B3GALT1: variants seen among roughly 807,000 people sequenced by gnomAD.
B3GALT1 encodes UDP-Gal:betaGlcNAc beta 1,3-galactosyltransferase, polypeptide 1.
B3GALT1 carries 10 observed loss-of-function variants against 23.2 expected under a neutral mutation model. That is an observed-to-expected ratio of 0.43 (90% CI 0.27 to 0.73). B3GALT1 has a LOEUF of 0.73. B3GALT1 is among the 30% of genes least tolerant of loss of function. The pLI is 0.21. For synonymous variants in B3GALT1, 156 were observed against 141.5 expected, an observed-to-expected ratio of 1.10 and a Z score of -0.73; for missense variants, 299 against 405.4, an observed-to-expected ratio of 0.74 and a Z score of 2.25.
chr2:167,626,148 T>C (rs1300778857), intron 2 of B3GALT1, among the ~76,000 whole-genome samples: 4 of 151,214 alleles, frequency 2.6e-5, no homozygotes, highest in African/African-American at 9.7e-5. Flanking sequence ...GAATAAAAAC[T>C]ATTTAAGTAA....
intron 1 of B3GALT1, among the ~76,000 whole-genome samples, chr2:167,378,110 G>A (rs918613010): frequency 1.3e-5 from 2 of 152,098 alleles, no homozygotes; most frequent in African/African-American, 4.8e-5. Context: ...GAAGTTCTTC[G>A]TTGGAATTTC....
chr2:167,448,393 T>C (rs1482438926), intron 1 of B3GALT1, among the ~76,000 whole-genome samples: 1 of 152,214 alleles, frequency 6.6e-6, no homozygotes, highest in Non-Finnish European at 1.5e-5. Context: ...ATATGTTTGT[T>C]GTACATTTGT....
intron 2 of B3GALT1, among the ~76,000 whole-genome samples, chr2:167,559,244 A>G (rs1223994557): frequency 6.6e-6 from 1 of 152,210 alleles, no homozygotes; most frequent in East Asian, 1.9e-4. Flanking sequence ...CCTGCAGCTG[A>G]GGGTCCTGTC....
chr2:167,785,711 T>G (rs922246385), intron 3 of B3GALT1, among the ~76,000 whole-genome samples: 1 of 152,074 alleles, frequency 6.6e-6, no homozygotes, highest in Non-Finnish European at 1.5e-5. Flanking sequence ...TTAGCAGGAG[T>G]GCTTGGATCT....
chr2:167,771,939 G>C (rs1300560080), intron 3 of B3GALT1, among the ~76,000 whole-genome samples: 1 of 152,200 alleles, frequency 6.6e-6, no homozygotes, highest in Admixed American at 6.5e-5. Flanking sequence ...AATACAGACT[G>C]GGGGAGAATG....
At chr2:167,561,035 A>G (rs1683975736) in intron 2 of B3GALT1, among the ~76,000 whole-genome samples, 1 of 152,108 alleles carries the variant, frequency 6.6e-6, no homozygotes, top group South Asian at 2.1e-4. Context: ...ACCTATTCCA[A>G]AATTGACCAC....
intron 3 of B3GALT1, among the ~76,000 whole-genome samples, chr2:167,718,155 C>T (rs1687179895): frequency 6.6e-6 from 1 of 152,026 alleles, no homozygotes. Context: ...CAAACTGTGA[C>T]CAAATTACAG....
At chr2:167,795,915 G>A (rs1288110411) in intron 3 of B3GALT1, among the ~76,000 whole-genome samples, 1 of 152,120 alleles carries the variant, frequency 6.6e-6, no homozygotes, top group Admixed American at 6.5e-5. Context: ...TTCATATCCT[G>A]GGCAGTGCAT....
At chr2:167,524,912 G>A (rs142886587) in intron 2 of B3GALT1, among the ~76,000 whole-genome samples, 60 of 152,260 alleles carry the variant, frequency 3.9e-4, no homozygotes, top group African/African-American at 1.3e-3. Flanking sequence ...CAGCTATGTG[G>A]TATTGTAATG....
intron 1 of B3GALT1, among the ~76,000 whole-genome samples, chr2:167,437,389 G>A (rs910892153): frequency 1.3e-5 from 2 of 152,292 alleles, no homozygotes; most frequent in Non-Finnish European, 2.9e-5. Context: ...TCCTGTGTGG[G>A]CAGAGTGTTC....
intron 3 of B3GALT1, among the ~76,000 whole-genome samples, chr2:167,726,634 C>T (rs7589079): frequency 0.2 from 30,023 of 152,136 alleles, 3,375 homozygotes; most frequent in East Asian, 0.41. Flanking sequence ...TTGACATTCA[C>T]AACATCTCTA....
chr2:167,699,054 T>C (rs1331456296), intron 3 of B3GALT1, among the ~76,000 whole-genome samples: 1 of 152,186 alleles, frequency 6.6e-6, no homozygotes, highest in Non-Finnish European at 1.5e-5. Flanking sequence ...ATTTTTAACA[T>C]ATTTTATTCA....
rs115912766 is a variant in B3GALT1 at position 167,380,156 on chromosome 2, G to T, written c.-511+86822G>T. Among the ~76,000 whole-genome samples the T allele has an allele frequency of 9.6e-3, 1,457 of 152,228 alleles. 23 individuals carry two copies. Among genetic ancestry groups the T allele is most frequent in the African/African-American group, 0.033 (1,359 of 41,518 alleles). ...GCTTGTAGATCGGTTTGGACATGTA[G>T]TAGAGGGTGTCCCCCTGCATGAGGT... On this transcript the variant is annotated intron_variant, in intron 1 of 4. Transcript: ENST00000392690.
chr2:167,341,139 T>A (rs1400436241), intron 1 of B3GALT1, among the ~76,000 whole-genome samples: 3 of 152,036 alleles, frequency 2.0e-5, no homozygotes, highest in Non-Finnish European at 2.9e-5. Flanking sequence ...AGTCACAGAT[T>A]AAAATTAACA....
At chr2:167,554,283 T>C (rs564980962) in intron 2 of B3GALT1, among the ~76,000 whole-genome samples, 97 of 152,328 alleles carry the variant, frequency 6.4e-4, no homozygotes, top group African/African-American at 2.2e-3. Context: ...ACTTAAGATA[T>C]GTCCTTTCTG....
chr2:167,512,592 G>GTATATATATATT (rs1181477049), intron 2 of B3GALT1, among the ~76,000 whole-genome samples: 1 of 39,608 alleles, frequency 2.5e-5, no homozygotes, highest in African/African-American at 1.9e-4. Context: ...ATATATATAT[G>GTATATATATATT]TGTATATATA....
intron 1 of B3GALT1, among the ~76,000 whole-genome samples, chr2:167,477,802 A>G (rs1374087684): frequency 6.6e-6 from 1 of 152,212 alleles, no homozygotes. Flanking sequence ...CCTCAGACAC[A>G]TTCCATTGAA....
chr2:167,765,366 G>A (rs770007383), intron 3 of B3GALT1, among the ~76,000 whole-genome samples: 1 of 152,132 alleles, frequency 6.6e-6, no homozygotes, highest in Non-Finnish European at 1.5e-5. Flanking sequence ...AGTATAACAA[G>A]AATCCTCTTG....
chr2:167,787,916 A>G (rs948946545), intron 3 of B3GALT1, among the ~76,000 whole-genome samples: 1 of 152,186 alleles, frequency 6.6e-6, no homozygotes, highest in African/African-American at 2.4e-5. Flanking sequence ...ACGTGCCCCA[A>G]GAGCCAAAGA....
Sources: allele counts gnomAD v4.1 joint callset (sites outside exome capture counted in the v4.1 genomes callset), GRCh38; gene constraint gnomAD v4.1.1; transcripts MANE v1.5; gene names NCBI Gene and HGNC (gene_info 2026-07-23, HGNC 2026-07-21).